APBB2: variants seen among roughly 807,000 people sequenced by gnomAD.
APBB2 encodes amyloid beta precursor protein binding family B member 2.
A neutral mutation model predicts 82.5 loss-of-function variants in APBB2; 38 were observed. The ratio of observed to expected loss-of-function variants is 0.46; its 90% confidence interval spans 0.36 to 0.60. The LOEUF is 0.60. APBB2 is among the 20% of genes least tolerant of loss of function. APBB2 has a pLI of 0.00. For synonymous variants in APBB2, 341 were observed against 368.2 expected (o/e 0.93, Z 0.85); for missense variants, 772 against 972.3 (o/e 0.79, Z 2.74).
intron 6 of APBB2, among the ~76,000 whole-genome samples, chr4:40,954,876 G>C (rs1190250327): frequency 6.6e-6 from 1 of 152,118 alleles, no homozygotes; most frequent in Non-Finnish European, 1.5e-5. Context: ...TGTTGGCCAG[G>C]CTGGCCTTGG....
chr4:41,025,944 C>CAAAAAAAAAAAAA (rs71198626), intron 5 of APBB2, among the ~76,000 whole-genome samples: 1 of 68,274 alleles, frequency 1.5e-5, no homozygotes, highest in African/African-American at 5.8e-5. Context: ...TCCATCTCCA[C>CAAAAAAAAAAAAA]AAAAAAAAAA....
Position 40,812,589 on chromosome 4 carries a change from G to A in APBB2, c.*3503C>T, listed in dbSNP as rs1051132012. ...TATTAGTTAAATTGTGCTAATATCA[G>A]TTAGGAAAATGCTTGTCATGTTGTG... On this transcript the variant is annotated 3_prime_UTR_variant, in exon 18 of 18. Transcript: ENST00000508593. 1 of 147,286 alleles carries A rather than the reference G, an allele frequency of 6.8e-6. No individual in the cohort carries two copies. The highest frequency in any genetic ancestry group is 2.5e-5 in the African/African-American group (1 of 39,298). 9.1% of individuals were successfully genotyped at this position (147,286 alleles called of 1,614,324 possible). A position where few individuals can be genotyped will look rare whatever the true frequency, so the allele number is the denominator to read the frequency against.
At chr4:41,048,615 T>C (rs1370213624) in intron 4 of APBB2, among the ~76,000 whole-genome samples, 2 of 151,636 alleles carry the variant, frequency 1.3e-5, no homozygotes, top group East Asian at 1.9e-4. Flanking sequence ...TCTCAAAAAA[T>C]AAAAATATTC....
At chr4:41,109,293 T>C (rs996534935) in intron 2 of APBB2, among the ~76,000 whole-genome samples, 3 of 128,926 alleles carry the variant, frequency 2.3e-5, no homozygotes, top group South Asian at 2.8e-4. Flanking sequence ...AAAATCACTA[T>C]AATTTTCTTT....
chr4:40,830,160 T>C (rs1489256333), intron 13 of APBB2, among the ~76,000 whole-genome samples: 2 of 151,810 alleles, frequency 1.3e-5, no homozygotes, highest in Non-Finnish European at 2.9e-5. Context: ...CTTAGAGCGA[T>C]GCCTGCCCTG....
chr4:41,056,708 T>C (rs759007179), intron 4 of APBB2, among the ~76,000 whole-genome samples: 16 of 152,200 alleles, frequency 1.1e-4, no homozygotes, highest in Non-Finnish European at 2.1e-4. Context: ...TATCTCCTCT[T>C]AACTGTACCT....
chr4:40,966,792 C>T lies in APBB2; in HGVS notation c.836-21719G>A, dbSNP rs183825224. Among the ~76,000 whole-genome samples, 111 of 152,236 alleles carry T rather than the reference C, an allele frequency of 7.3e-4. 2 individuals carry two copies. The highest frequency in any genetic ancestry group is 2.5e-3 in the African/African-American group (105 of 41,548). ...TGGCTCGGCACAGGTCTGCAGGCACCCCTCAGCATGAACAGCCTGGGCACC... is the reference window on the plus strand; with the variant it reads ...TGGCTCGGCACAGGTCTGCAGGCACTCCTCAGCATGAACAGCCTGGGCACC... On this transcript the variant is annotated intron_variant, in intron 6 of 17. Coordinates refer to ENST00000508593, the MANE Select transcript of APBB2 (RefSeq NM_004307.2).
Position 41,014,151 on chromosome 4 carries a change from C to A in APBB2, c.267G>T (p.Leu89=). Residue 89 remains leucine (L), a synonymous_variant, in exon 6 of 18, where the codon CTG becomes CTT. Coordinates refer to ENST00000508593, the MANE Select transcript of APBB2 (RefSeq NM_004307.2). ...TGATGTTGGCAGAGCCATTTCCCAG[C>A]AGGGGCTGTGCAGCTGGATCCGAGA... ...MGLSDPAAQP[L]LGNGSANIKL... 1 of 1,614,218 alleles carries A rather than the reference C, an allele frequency of 6.2e-7. No homozygotes were observed. The highest frequency in any genetic ancestry group is 8.5e-7 in the Non-Finnish European group (1 of 1,180,046).
At chr4:40,848,627 T>G (rs780476391) in intron 12 of APBB2, among the ~76,000 whole-genome samples, 2 of 152,198 alleles carry the variant, frequency 1.3e-5, no homozygotes, top group Non-Finnish European at 2.9e-5. Context: ...AGTGCTGTGT[T>G]TGGTTTAAAT....
intron 3 of APBB2, among the ~76,000 whole-genome samples, chr4:41,066,374 A>G (rs1394511616): frequency 2.6e-5 from 4 of 152,336 alleles, no homozygotes; most frequent in African/African-American, 9.6e-5. Flanking sequence ...TATTTAAAAA[A>G]CATATGCAGA....
chr4:41,184,961 C>T (rs560085671), intron 1 of APBB2, among the ~76,000 whole-genome samples: 3 of 152,222 alleles, frequency 2.0e-5, no homozygotes, highest in Non-Finnish European at 4.4e-5. Flanking sequence ...CATCCTGCTT[C>T]CCAAACTCCA....
chr4:41,049,305 C>CA (rs1724839833), intron 4 of APBB2, among the ~76,000 whole-genome samples: 1 of 150,130 alleles, frequency 6.7e-6, no homozygotes. Flanking sequence ...AGCCCCTCTG[C>CA]CCGGCAGCCG....
intron 4 of APBB2, among the ~76,000 whole-genome samples, chr4:41,039,313 T>C (rs1036995136): frequency 2.0e-5 from 3 of 151,950 alleles, no homozygotes; most frequent in Admixed American, 1.3e-4. Context: ...CTAGTGGGAG[T>C]TCTAGCCACC....
chr4:40,827,662 C>G (rs574777226), intron 13 of APBB2, among the ~76,000 whole-genome samples: 44 of 152,170 alleles, frequency 2.9e-4, no homozygotes, highest in Non-Finnish European at 5.9e-4. Flanking sequence ...AGCTGTGTGA[C>G]CTTGACCTTG....
At chr4:41,133,648 A>G (rs763738865) in intron 2 of APBB2, among the ~76,000 whole-genome samples, 50 of 152,222 alleles carry the variant, frequency 3.3e-4, no homozygotes, top group Non-Finnish European at 6.6e-4. Flanking sequence ...ATTAACATCT[A>G]CTAGGTACTT....
At chr4:40,903,992 T>C (rs1776021452) in intron 10 of APBB2, among the ~76,000 whole-genome samples, 1 of 152,184 alleles carries the variant, frequency 6.6e-6, no homozygotes, top group Non-Finnish European at 1.5e-5. Context: ...ATTTGTTACA[T>C]TTGATAGCGC....
intron 2 of APBB2, among the ~76,000 whole-genome samples, chr4:41,139,397 A>C (rs890801846): frequency 2.6e-5 from 4 of 152,176 alleles, no homozygotes; most frequent in Non-Finnish European, 5.9e-5. Context: ...CCTAAAACTG[A>C]CATCATATTT....
At chr4:41,030,278 T>G (rs929470592) in intron 5 of APBB2, among the ~76,000 whole-genome samples, 1 of 152,108 alleles carries the variant, frequency 6.6e-6, no homozygotes, top group Non-Finnish European at 1.5e-5. Context: ...ACCTGGCAGA[T>G]GTGATGGTCA....
Position 40,920,207 on chromosome 4 carries a change from G to A in APBB2, c.1254+14249C>T, listed in dbSNP as rs139706975. Among the ~76,000 whole-genome samples the A allele has an allele frequency of 6.4e-3, 979 of 152,142 alleles. 13 individuals carry two copies. Among genetic ancestry groups the A allele is most frequent in the African/African-American group, 0.022 (924 of 41,484 alleles). On this transcript the variant is annotated intron_variant, in intron 10 of 17. Transcript: ENST00000508593. ...TCTCATGATAGTGAGTAAGTTTCAC[G>A]AGATCTGATGGTTTTATAAAGGAAG...
Sources: allele counts gnomAD v4.1 joint callset (sites outside exome capture counted in the v4.1 genomes callset), GRCh38; gene constraint gnomAD v4.1.1; transcripts MANE v1.5; gene names NCBI Gene and HGNC (gene_info 2026-07-23, HGNC 2026-07-21).